SNTG1: variants seen among roughly 807,000 people sequenced by gnomAD.
SNTG1 encodes the protein syntrophin gamma 1, also known as gamma-1-syntrophin.
Under a neutral mutation model 74.7 loss-of-function variants are expected in SNTG1, and 39 were observed. That is an observed-to-expected ratio of 0.52 (90% CI 0.40 to 0.68). SNTG1 has a LOEUF of 0.68. Ranked by LOEUF, SNTG1 falls within the 30% of genes least tolerant of loss-of-function variation. The pLI is 0.00. For synonymous variants in SNTG1, 254 were observed against 217.1 expected, an observed-to-expected ratio of 1.17 and a Z score of -1.49; for missense variants, 685 against 609.5, an observed-to-expected ratio of 1.12 and a Z score of -1.30.
intron 17 of SNTG1, among the ~76,000 whole-genome samples, chr8:50,745,694 G>C (rs1298592888): frequency 6.6e-6 from 1 of 151,916 alleles, no homozygotes; most frequent in Non-Finnish European, 1.5e-5. Context: ...ACAAAATTGG[G>C]ATTTTCAGAC....
intron 1 of SNTG1, among the ~76,000 whole-genome samples, chr8:50,038,646 C>T (rs1057440951): frequency 2.0e-5 from 3 of 152,212 alleles, no homozygotes; most frequent in African/African-American, 7.2e-5. Flanking sequence ...ACTCTGATTT[C>T]AAAGTTCTTG....
chr8:50,410,593 C>T (rs2092935472), intron 4 of SNTG1, among the ~76,000 whole-genome samples: 1 of 152,142 alleles, frequency 6.6e-6, no homozygotes. Context: ...ATCACCTCCC[C>T]TGCTATATAT....
intron 1 of SNTG1, among the ~76,000 whole-genome samples, chr8:50,006,049 G>C (rs560864152): frequency 2.3e-5 from 3 of 129,124 alleles, no homozygotes; most frequent in African/African-American, 6.0e-5. Flanking sequence ...TGCAACCTCC[G>C]ACTCCTGGGT....
chr8:50,532,881 C>T (rs1407326390), intron 10 of SNTG1, among the ~76,000 whole-genome samples: 2 of 152,294 alleles, frequency 1.3e-5, no homozygotes, highest in East Asian at 3.9e-4. Flanking sequence ...ATCCTAGGCT[C>T]ACAAACTGCC....
intron 1 of SNTG1, among the ~76,000 whole-genome samples, chr8:50,096,800 T>C (rs2079944869): frequency 6.6e-6 from 1 of 152,210 alleles, no homozygotes; most frequent in South Asian, 2.1e-4. Flanking sequence ...ATGAATGAGC[T>C]ATCTTAATGT....
At chr8:50,029,578 C>T (rs536057651) in intron 1 of SNTG1, among the ~76,000 whole-genome samples, 3 of 152,208 alleles carry the variant, frequency 2.0e-5, no homozygotes, top group Non-Finnish European at 2.9e-5. Context: ...ATTTTCAGCT[C>T]CCACATATGA....
At chr8:49,979,526 C>A (rs968380220) in intron 1 of SNTG1, among the ~76,000 whole-genome samples, 2 of 152,238 alleles carry the variant, frequency 1.3e-5, no homozygotes, top group African/African-American at 4.8e-5. Context: ...ATCCTCCTCA[C>A]CCCTTCCCTT....
intron 2 of SNTG1, among the ~76,000 whole-genome samples, chr8:50,249,111 A>T (rs1039779404): frequency 5.3e-5 from 8 of 152,094 alleles, no homozygotes; most frequent in African/African-American, 1.9e-4. Context: ...CAAGGAAAAT[A>T]CAAGCTGGAG....
chr8:50,739,147 G>C (rs2095536603), intron 17 of SNTG1, among the ~76,000 whole-genome samples: 1 of 151,624 alleles, frequency 6.6e-6, no homozygotes, highest in Non-Finnish European at 1.5e-5. Context: ...TGGGAGAAAA[G>C]TTTTACAATC....
intron 1 of SNTG1, among the ~76,000 whole-genome samples, chr8:50,115,874 G>GC (rs928840880): frequency 6.6e-6 from 1 of 151,712 alleles, no homozygotes; most frequent in African/African-American, 2.4e-5. Context: ...ACCACCCACC[G>GC]CCCCCCAACC....
At chr8:49,977,632 G>T (rs1812312291) in intron 1 of SNTG1, among the ~76,000 whole-genome samples, 1 of 152,224 alleles carries the variant, frequency 6.6e-6, no homozygotes, top group Non-Finnish European at 1.5e-5. Flanking sequence ...TGAGGGGAAA[G>T]ATGCTGATGA....
intron 8 of SNTG1, among the ~76,000 whole-genome samples, chr8:50,496,302 C>G (rs2093903797): frequency 6.6e-6 from 1 of 152,128 alleles, no homozygotes; most frequent in African/African-American, 2.4e-5. Flanking sequence ...TCATATGAGG[C>G]CAGTTAACTA....
chr8:50,228,742 T>A (rs1293948261), intron 2 of SNTG1, among the ~76,000 whole-genome samples: 2 of 151,736 alleles, frequency 1.3e-5, no homozygotes, highest in Non-Finnish European at 3.0e-5. Flanking sequence ...CTGAGGGAAT[T>A]CATCACTAGA....
At chr8:50,178,796 T>C (rs2083095937) in intron 2 of SNTG1, among the ~76,000 whole-genome samples, 1 of 152,176 alleles carries the variant, frequency 6.6e-6, no homozygotes, top group African/African-American at 2.4e-5. Flanking sequence ...TGTGTGACAC[T>C]CTGCCAAAAA....
At chr8:50,269,606 C>T (rs150602073) in intron 2 of SNTG1, among the ~76,000 whole-genome samples, 1 of 152,094 alleles carries the variant, frequency 6.6e-6, no homozygotes, top group Admixed American at 6.5e-5. Context: ...CCACAGCAAC[C>T]TCAAAGTATG....
intron 1 of SNTG1, among the ~76,000 whole-genome samples, chr8:50,083,006 A>G (rs558159651): frequency 1.0e-3 from 157 of 152,230 alleles, no homozygotes; most frequent in Middle Eastern, 3.4e-3. Flanking sequence ...AATACTCCCA[A>G]TGAAGTGAGT....
At chr8:50,713,031 G>T (rs1048705213) in intron 17 of SNTG1, among the ~76,000 whole-genome samples, 1 of 152,160 alleles carries the variant, frequency 6.6e-6, no homozygotes, top group Non-Finnish European at 1.5e-5. Flanking sequence ...TGGGATTGCT[G>T]GGTCAGATGG....
chr8:50,299,643 C>G (rs1412631223), intron 2 of SNTG1, among the ~76,000 whole-genome samples: 1 of 151,998 alleles, frequency 6.6e-6, no homozygotes, highest in African/African-American at 2.4e-5. Flanking sequence ...CTAAATTGAT[C>G]CAAAATATTG....
intron 10 of SNTG1, among the ~76,000 whole-genome samples, chr8:50,531,509 C>T (rs182019765): frequency 3.9e-5 from 6 of 152,132 alleles, no homozygotes; most frequent in African/African-American, 7.2e-5. Context: ...TCACCTTCTT[C>T]CCTCCCGATC....
Sources: gnomAD v4.1 joint callset for allele counts (sites outside exome capture counted in the v4.1 genomes callset) on GRCh38, gnomAD v4.1.1 for gene constraint, MANE v1.5 for transcripts, NCBI Gene and HGNC (gene_info 2026-07-23, HGNC 2026-07-21) for gene names.